Variants in USP12 observed in about 807,000 individuals in gnomAD.
USP12 encodes the protein ubiquitin specific peptidase 12, also known as ubiquitin carboxyl-terminal hydrolase 12.
In USP12, 19 loss-of-function variants were observed where a neutral mutation model predicts 45.5. The ratio of observed to expected loss-of-function variants is 0.42; its 90% CI spans 0.29 to 0.61. USP12 has a LOEUF of 0.61. Among genes scored for constraint, USP12 ranks in the 20% least tolerant of loss-of-function variants. USP12 has a pLI of 0.22. For missense variants in USP12, 242 were observed against 447.7 expected (o/e 0.54, Z 4.15); for synonymous variants, 149 against 148.8 (o/e 1.00, Z -0.01).
At chr13:27,113,361 T>C (rs889148051) in intron 2 of USP12, among the ~76,000 whole-genome samples, 5 of 152,246 alleles carry the variant, frequency 3.3e-5, no homozygotes, top group Non-Finnish European at 7.3e-5. Flanking sequence ...ACTTCTTCCC[T>C]GTCCCCCATG....
chr13:27,100,391 C>T (rs1272388656), intron 3 of USP12, among the ~76,000 whole-genome samples: 13 of 152,128 alleles, frequency 8.5e-5, no homozygotes, highest in Admixed American at 3.9e-4. Context: ...CAAACTCCCT[C>T]GCCTTATCAA....
chr13:27,153,973 C>T (rs1411122690), intron 1 of USP12, among the ~76,000 whole-genome samples: 2 of 152,120 alleles, frequency 1.3e-5, no homozygotes, highest in East Asian at 1.9e-4. Context: ...AACTGCAAAA[C>T]AAAAATATTT....
intron 6 of USP12, 133 bp from the exon 7 acceptor site, chr13:27,075,521 C>T: frequency 1.3e-6 from 1 of 760,652 alleles, no homozygotes; most frequent in South Asian, 1.9e-5. Context: ...CCCAGTTTTG[C>T]ACATTTCTAT....
rs1873005477 is a variant in USP12, at chr13:27,066,598, A to C, written c.*2685T>G. The stretch of plus-strand genomic sequence containing the variant: ...CCCAAGCCTCCTGGTTCCTGTCTTA[A>C]ATAATCTTTTAAAGGTAAAATTTCC... On this transcript the variant is annotated 3_prime_UTR_variant, in exon 9 of 9. Coordinates refer to ENST00000282344, the MANE Select transcript of USP12 (RefSeq NM_182488.4). 6.6e-6 allele frequency: 1 copy of C among 152,166 alleles called. No homozygotes were observed. The highest frequency in any genetic ancestry group is 6.6e-5 in the Admixed American group (1 of 15,266). 9.4% of individuals were successfully genotyped at this position (152,166 alleles called of 1,614,324 possible). A position where few individuals can be genotyped will look rare whatever the true frequency, so the allele number is the denominator to read the frequency against.
intron 1 of USP12, among the ~76,000 whole-genome samples, chr13:27,151,583 C>A (rs958314523): frequency 1.3e-5 from 2 of 151,970 alleles, no homozygotes; most frequent in African/African-American, 4.8e-5. Flanking sequence ...GAGTTCAAGA[C>A]CAGCCTGGGC....
intron 7 of USP12, among the ~76,000 whole-genome samples, chr13:27,074,621 C>T (rs1000962759): frequency 2.5e-4 from 38 of 152,186 alleles, no homozygotes; most frequent in South Asian, 8.3e-4. Flanking sequence ...GATGCTCTTG[C>T]AGTTTGAGAA....
At chr13:27,128,256 A>G (rs913018274) in intron 1 of USP12, among the ~76,000 whole-genome samples, 1 of 152,234 alleles carries the variant, frequency 6.6e-6, no homozygotes, top group Non-Finnish European at 1.5e-5. Context: ...TCATTACTTC[A>G]TCTCTGTTAG....
At chr13:27,165,460 A>G (rs574268216) in intron 1 of USP12, among the ~76,000 whole-genome samples, 3 of 152,300 alleles carry the variant, frequency 2.0e-5, no homozygotes, top group Admixed American at 2.0e-4. Context: ...AGTAGTGCCA[A>G]TGAATACTTT....
chr13:27,160,184 T>G (rs1593216132), intron 1 of USP12, among the ~76,000 whole-genome samples: 1 of 152,234 alleles, frequency 6.6e-6, no homozygotes, highest in East Asian at 1.9e-4. Flanking sequence ...ATTTCACTTG[T>G]ATCTTTTTAG....
intron 6 of USP12, among the ~76,000 whole-genome samples, chr13:27,085,190 T>TTTA (rs1565984168): frequency 2.9e-4 from 43 of 150,420 alleles, no homozygotes; most frequent in African/African-American, 1.0e-3. Context: ...CTTTTTTTTT[T>TTTA]GAGATGGAGT....
intron 1 of USP12, among the ~76,000 whole-genome samples, chr13:27,159,446 T>C (rs561298571): frequency 1.3e-4 from 20 of 152,332 alleles, no homozygotes; most frequent in African/African-American, 4.6e-4. Context: ...AATTCTGGTG[T>C]TTTACAAGTG....
chr13:27,108,677 C>T (rs370646671), intron 2 of USP12, among the ~76,000 whole-genome samples: 3 of 152,214 alleles, frequency 2.0e-5, no homozygotes, highest in East Asian at 1.9e-4. Context: ...ACATTTTAGG[C>T]TGGGTACAAT....
rs1269052496 is a variant in USP12 at position 27,095,685 on chromosome 13, A to G, written c.489T>C (p.Asn163=). 6.2e-7 allele frequency: 1 copy of G among 1,613,180 alleles called. No individual in the cohort carries two copies. The highest frequency in any genetic ancestry group is 8.5e-7 in the Non-Finnish European group (1 of 1,179,528). ...LPNGNIDNEN[N]NSTPDPTWVH... is the part of the protein sequence containing the mutation. ...CCCACGTTGGGTCTGGTGTGCTGTTATTATTTTCATTATCAATATTACCAT... is the reference window on the plus strand; with the variant it reads ...CCCACGTTGGGTCTGGTGTGCTGTTGTTATTTTCATTATCAATATTACCAT... The change falls in exon 4 of 9, where the codon AAT becomes AAC. Residue 163 remains asparagine (N), a synonymous_variant. Transcript: ENST00000282344.
intron 2 of USP12, among the ~76,000 whole-genome samples, chr13:27,111,722 C>T (rs1158651228): frequency 1.3e-5 from 2 of 152,088 alleles, no homozygotes; most frequent in African/African-American, 4.8e-5. Context: ...TAAAGGAATG[C>T]AATTAAGAAA....
intron 2 of USP12, among the ~76,000 whole-genome samples, chr13:27,107,670 C>T (rs1438590049): frequency 1.3e-5 from 2 of 152,120 alleles, no homozygotes; most frequent in East Asian, 3.8e-4. Flanking sequence ...TTTTCCCATC[C>T]AAAAGAACTC....
chr13:27,171,610 G>T lies in USP12; in HGVS notation c.30C>A (p.Phe10Leu). 1 of 1,283,058 alleles carries T rather than the reference G, an allele frequency of 7.8e-7. No homozygotes were observed. The highest frequency in any genetic ancestry group is 1.0e-6 in the Non-Finnish European group (1 of 981,674). 79.5% of individuals were successfully genotyped at this position (1,283,058 alleles called of 1,614,324 possible). A position where few individuals can be genotyped will look rare whatever the true frequency, so the allele number is the denominator to read the frequency against. MEILMTVSK[F>L]ASICTMGANA... is the part of the protein sequence containing the mutation. ...CACCTACCATGGTACAGATGGAGGC[G>T]AATTTGGAGACTGTCATTAGGATTT... is the stretch of plus-strand genomic sequence containing the variant. Residue 10 changes from phenylalanine (F) to leucine (L), a missense_variant, in exon 1 of 9, where the codon TTC becomes TTA. Physicochemically the swap from Phe to Leu is conservative, Grantham distance 22 (BLOSUM62 0). Coordinates refer to ENST00000282344, the MANE Select transcript of USP12 (RefSeq NM_182488.4).
rs374147037 is a variant in USP12, at chr13:27,071,226, AAGAAAC to A, written c.933-83_933-78del. ...TTCATGCTCTAAATTTTGTTTTATA[AAGAAAC>A]AGAAACAGATAAATAGCAGTAAAAA... On this transcript the variant is annotated intron_variant, in intron 7 of 8. Coordinates refer to ENST00000282344, the MANE Select transcript of USP12 (RefSeq NM_182488.4). 2.7e-5 allele frequency: 35 copies of A among 1,283,536 alleles called. No individual in the cohort carries two copies. In the African/African-American group the frequency reaches 3.0e-4, roughly 11 times the overall value. The allele number at this position is 1,283,536 out of a possible 1,614,324, so 79.5% of individuals were successfully genotyped here.
chr13:27,161,439 T>C (rs981957647), intron 1 of USP12, among the ~76,000 whole-genome samples: 1 of 152,184 alleles, frequency 6.6e-6, no homozygotes, highest in Admixed American at 6.5e-5. Flanking sequence ...TGTGCCCAGA[T>C]GGGCTCTAAT....
intron 3 of USP12, among the ~76,000 whole-genome samples, chr13:27,097,283 T>C (rs1042128327): frequency 2.0e-5 from 3 of 151,732 alleles, no homozygotes; most frequent in Non-Finnish European, 4.4e-5. Context: ...CTGGCCAACA[T>C]GGTGAAAGTC....
Sources: gnomAD v4.1 joint callset for allele counts (sites outside exome capture counted in the v4.1 genomes callset) on GRCh38, gnomAD v4.1.1 for gene constraint, MANE v1.5 for transcripts, NCBI Gene and HGNC (gene_info 2026-07-23, HGNC 2026-07-21) for gene names.